DTL: variants seen among roughly 807,000 people sequenced by gnomAD.
DTL encodes denticleless E3 ubiquitin protein ligase adapter.
Under a neutral mutation model 87.0 loss-of-function variants are expected in DTL, and 46 were observed. That is an observed-to-expected ratio of 0.53 (90% CI 0.42 to 0.68). The LOEUF (loss-of-function observed/expected upper bound fraction) is 0.68. Among genes scored for constraint, DTL ranks in the 30% least tolerant of loss-of-function variants. The pLI is 0.00. For missense variants in DTL, 737 were observed against 869.4 expected (o/e 0.85, Z 1.91); for synonymous variants, 308 against 311.2 (o/e 0.99, Z 0.11).
chr1:212,083,169 A>T (rs1231767516), intron 13 of DTL, among the ~76,000 whole-genome samples: 2 of 152,226 alleles, frequency 1.3e-5, no homozygotes, highest in Non-Finnish European at 2.9e-5. Flanking sequence ...ATCATGGCAG[A>T]AGGCAAGGAG....
intron 6 of DTL, among the ~76,000 whole-genome samples, chr1:212,063,299 T>TTA (rs1558078679): frequency 2.7e-5 from 4 of 145,486 alleles, no homozygotes; most frequent in Admixed American, 1.3e-4. Context: ...TATTATTATT[T>TTA]TTTTTTTTTT....
intron 6 of DTL, among the ~76,000 whole-genome samples, chr1:212,064,553 A>G (rs79353224): frequency 0.011 from 1,685 of 152,302 alleles, 31 homozygotes; most frequent in African/African-American, 0.038. Flanking sequence ...AAGCCCTGGC[A>G]ACCACTGATC....
chr1:212,035,790 G>A lies in DTL; in HGVS notation c.-101G>A. The A allele has an allele frequency of 8.8e-7, 1 of 1,142,290 alleles. No individual in the cohort carries two copies. The highest frequency in any genetic ancestry group is 1.3e-5 in the South Asian group (1 of 74,358). 70.8% of individuals were successfully genotyped at this position (1,142,290 alleles called of 1,614,324 possible). On this transcript the variant is annotated 5_prime_UTR_variant, in exon 1 of 15. Transcript: ENST00000366991. ...GCTTACAGTGGCGGGAGTTGGAGGC[G>A]ATAACGATTTGTGTTGTGAGAGGCG...
At chr1:212,074,441 A>C (rs1286409571) in intron 11 of DTL, among the ~76,000 whole-genome samples, 1 of 152,194 alleles carries the variant, frequency 6.6e-6, no homozygotes, top group East Asian at 1.9e-4. Context: ...TCAGACAACC[A>C]ATCAGTGTCT....
At chr1:212,063,979 G>A (rs547122047) in intron 6 of DTL, among the ~76,000 whole-genome samples, 6 of 148,190 alleles carry the variant, frequency 4.0e-5, no homozygotes, top group Admixed American at 2.7e-4. Context: ...TGCAACCTCC[G>A]CCTCCTGGGT....
chr1:212,054,809 A>AG (rs957729213), intron 5 of DTL, among the ~76,000 whole-genome samples: 2 of 151,794 alleles, frequency 1.3e-5, no homozygotes, highest in Non-Finnish European at 2.9e-5. Flanking sequence ...AAAAAAAAAA[A>AG]AAAAGGAGGA....
intron 3 of DTL, among the ~76,000 whole-genome samples, chr1:212,045,258 A>G (rs1667773471): frequency 6.6e-6 from 1 of 152,224 alleles, no homozygotes; most frequent in Non-Finnish European, 1.5e-5. Context: ...ATTCCCAATG[A>G]TATTAACTTC....
At chr1:212,092,201 T>TA (rs1412089443) in intron 13 of DTL, among the ~76,000 whole-genome samples, 2 of 152,190 alleles carry the variant, frequency 1.3e-5, no homozygotes, top group Admixed American at 1.3e-4. Context: ...AGTGAGAACA[T>TA]ACGATGTTTG....
chr1:212,079,161 T>A (rs1654920704), intron 12 of DTL, among the ~76,000 whole-genome samples: 1 of 152,256 alleles, frequency 6.6e-6, no homozygotes, highest in African/African-American at 2.4e-5. Flanking sequence ...CTTTTCTTTT[T>A]TTTTAAGTCA....
intron 13 of DTL, among the ~76,000 whole-genome samples, chr1:212,093,912 C>T (rs528165239): frequency 2.6e-4 from 40 of 152,278 alleles, no homozygotes; most frequent in African/African-American, 9.1e-4. Context: ...TCCCTTCCCC[C>T]ATTCCGTATC....
chr1:212,049,482 T>C (rs972937440), intron 5 of DTL, among the ~76,000 whole-genome samples: 3 of 152,206 alleles, frequency 2.0e-5, no homozygotes, highest in Non-Finnish European at 4.4e-5. Context: ...TCCTTTTGCT[T>C]AATTTTTACA....
Position 212,066,838 on chromosome 1 carries a change from C to T in DTL, c.666C>T (p.Val222=), listed in dbSNP as rs1654521182. ...ATTTCCAGCAAAGTGTTACTGTGGTCCTCTTTCAAGACGAGAATACCTTAG... is the reference window on the plus strand; with the variant it reads ...ATTTCCAGCAAAGTGTTACTGTGGTTCTCTTTCAAGACGAGAATACCTTAG... ...SVDFQQSVTV[V]LFQDENTLVS... Residue 222 remains valine, a synonymous_variant, in exon 8 of 15, where the codon GTC becomes GTT. Transcript: ENST00000366991. 1 of 1,613,880 alleles carries T rather than the reference C, an allele frequency of 6.2e-7. No homozygotes were observed. Among genetic ancestry groups the T allele is most frequent in the Non-Finnish European group, 8.5e-7 (1 of 1,179,832 alleles).
chr1:212,076,148 T>C (rs921722159), intron 11 of DTL, among the ~76,000 whole-genome samples: 1 of 152,174 alleles, frequency 6.6e-6, no homozygotes, highest in Non-Finnish European at 1.5e-5. Context: ...TTTTTTGACA[T>C]GAATAAAGCT....
chr1:212,093,096 G>GT (rs917390311), intron 13 of DTL, among the ~76,000 whole-genome samples: 2 of 151,846 alleles, frequency 1.3e-5, no homozygotes, highest in African/African-American at 2.4e-5. Context: ...GGATTATTTG[G>GT]TTTTTTTTCC....
chr1:212,102,821 A>G, intron 14 of DTL, 21 bp from the exon 15 acceptor site: 3 of 1,546,140 alleles, frequency 1.9e-6, no homozygotes, highest in Non-Finnish European at 2.7e-6. Flanking sequence ...AATCTCTGAA[A>G]TCTAAACTTT....
At chr1:212,063,057 A>C in intron 6 of DTL, 108 bp downstream of exon 6, 6 of 797,328 alleles carry the variant, frequency 7.5e-6, no homozygotes, top group Non-Finnish European at 1.3e-5. Flanking sequence ...GCATGTACTC[A>C]TAATTTCCCA....
intron 12 of DTL, among the ~76,000 whole-genome samples, chr1:212,079,425 A>G (rs1211529860): frequency 1.3e-5 from 2 of 152,102 alleles, no homozygotes; most frequent in Non-Finnish European, 2.9e-5. Context: ...TACCTATACT[A>G]ATTTATTGGC....
At chr1:212,041,386 AT>A (rs139831934) in intron 1 of DTL, among the ~76,000 whole-genome samples, 9,029 of 146,870 alleles carry the variant, frequency 0.061, 279 homozygotes, top group Non-Finnish European at 0.068. Context: ...TTTGCAGTTG[AT>A]TTTTTTTTTT....
At chr1:212,057,638 A>T (rs1668218881) in intron 5 of DTL, among the ~76,000 whole-genome samples, 1 of 152,164 alleles carries the variant, frequency 6.6e-6, no homozygotes, top group South Asian at 2.1e-4. Context: ...GAATACCATG[A>T]AACCATAATG....
Sources: allele counts gnomAD v4.1 joint callset (sites outside exome capture counted in the v4.1 genomes callset), GRCh38; gene constraint gnomAD v4.1.1; transcripts MANE v1.5; gene names NCBI Gene and HGNC (gene_info 2026-07-23, HGNC 2026-07-21).